ZNF76: variants seen among roughly 807,000 people sequenced by gnomAD.
ZNF76 encodes zinc finger protein 76.
Under a neutral mutation model 66.9 loss-of-function variants are expected in ZNF76, and 66 were observed. The observed-to-expected ratio is 0.99, with a 90% CI of 0.81 to 1.21. ZNF76 has a LOEUF of 1.21. Ranked by LOEUF, ZNF76 falls within the 50% of genes most tolerant of loss-of-function variation. The pLI is 0.00. For missense variants in ZNF76, 729 were observed against 760.3 expected, an observed-to-expected ratio of 0.96 and a Z score of 0.48; for synonymous variants, 275 against 296.1, an observed-to-expected ratio of 0.93 and a Z score of 0.73.
At position 35,287,563 on chromosome 6, in the gene ZNF76, A is replaced by T. The variant is rs1052074030; in HGVS notation, c.233-83A>T. The T allele has an allele frequency of 7.0e-6, 9 of 1,281,378 alleles. No homozygotes were observed. In the Admixed American group the frequency reaches 9.0e-5, roughly 13 times the overall value. The allele number at this position is 1,281,378 out of a possible 1,614,324, so 79.4% of individuals were successfully genotyped here. ...TGTTGAAACCCTCCTTGGTATATGT[A>T]TCTCTCATTAACTTAAAGCTAGGGT... On this transcript the variant is annotated intron_variant, in intron 4 of 13. Coordinates refer to ENST00000373953, the MANE Select transcript of ZNF76 (RefSeq NM_003427.5). This position sits in a 1 kb window ranked among gnomAD's most constrained non-coding sequence, Gnocchi z 4.0.
intron 13 of ZNF76, 61 bp from the exon 14 acceptor site, chr6:35,295,083 C>T (rs1791003239): frequency 5.9e-6 from 8 of 1,362,516 alleles, no homozygotes; most frequent in East Asian, 2.5e-5. Flanking sequence ...ATATTACTAA[C>T]ACTGGAATCT....
At position 35,292,508 on chromosome 6, in the gene ZNF76, C is replaced by G; in HGVS notation, c.932-46C>G. ...TCACCCCTGTCCCCTTAGTTTCCCC[C>G]TTGCCAGCCCCAGTTCCCACCCCCC... On this transcript the variant is annotated intron_variant, in intron 9 of 13. Coordinates refer to ENST00000373953, the MANE Select transcript of ZNF76 (RefSeq NM_003427.5). The surrounding 1 kb of genome is among the most constrained non-coding windows in gnomAD (Gnocchi z 4.7). 6.2e-7 allele frequency: 1 copy of G among 1,608,404 alleles called. No individual in the cohort carries two copies. Among genetic ancestry groups the G allele is most frequent in the Non-Finnish European group, 8.5e-7 (1 of 1,176,468 alleles).
Position 35,294,305 on chromosome 6 carries a change from C to G in ZNF76, c.1495-151C>G. On this transcript the variant is annotated intron_variant, in intron 12 of 13. Transcript: ENST00000373953. ...GGAGGAAACCCAGCCTTACTTAGCTCTGAGCCTCAGGCTAATTAATCTGAC... is the reference window on the plus strand; with the variant it reads ...GGAGGAAACCCAGCCTTACTTAGCTGTGAGCCTCAGGCTAATTAATCTGAC... 9.6e-6 allele frequency: 6 copies of G among 628,138 alleles called. No individual in the cohort carries two copies. In the South Asian group the frequency reaches 1.2e-4, roughly 12 times the overall value. The allele number at this position is 628,138 out of a possible 1,614,324, so 38.9% of individuals were successfully genotyped here. A position where few individuals can be genotyped will look rare whatever the true frequency, so the allele number is the denominator to read the frequency against.
intron 5 of ZNF76, 140 bp from the exon 6 acceptor site, chr6:35,290,126 G>T: frequency 7.2e-6 from 8 of 1,114,814 alleles, no homozygotes; most frequent in Non-Finnish European, 9.1e-6. Context: ...TTCCTTGTCC[G>T]TCTAGTTATG....
chr6:35,277,982 C>T (rs913918822), intron 1 of ZNF76, among the ~76,000 whole-genome samples: 1 of 152,072 alleles, frequency 6.6e-6, no homozygotes, highest in Non-Finnish European at 1.5e-5. Flanking sequence ...GCCTTAGCCT[C>T]CCGAGTAGCT....
chr6:35,259,691 A>G (rs1308423319), upstream of ZNF76: 1 of 152,146 alleles, frequency 6.6e-6, no homozygotes, highest in African/African-American at 2.4e-5. Flanking sequence ...AGAGGAAAGG[A>G]AAGTGCGGCG....
intron 2 of ZNF76, among the ~76,000 whole-genome samples, chr6:35,284,867 C>T (rs1341621986): frequency 1.3e-5 from 2 of 152,044 alleles, no homozygotes; most frequent in East Asian, 1.9e-4. Context: ...TGCACTACTA[C>T]ATCCAGTTAA....
At chr6:35,274,701 A>C (rs1320779228) in intron 1 of ZNF76, among the ~76,000 whole-genome samples, 1 of 152,220 alleles carries the variant, frequency 6.6e-6, no homozygotes, top group Non-Finnish European at 1.5e-5. Context: ...CCTGGGCAAC[A>C]AAATGAGATC....
rs760448377 is a variant in ZNF76 at position 35,290,669 on chromosome 6, G to A, written c.578G>A (p.Arg193His). Residue 193 changes from arginine (R) to histidine (H), a missense_variant, in exon 7 of 14, where the codon CGT becomes CAT. Coordinates refer to ENST00000373953, the MANE Select transcript of ZNF76 (RefSeq NM_003427.5). ...CATGAACGAGCTCATACAGGTGACC[G>A]TCCATACAGATGTGACTTCCCCAGC... ...KVHERAHTGD[R>H]PYRCDFPSCG... is the part of the protein sequence containing the mutation. 10 of 1,614,100 alleles carry A rather than the reference G, an allele frequency of 6.2e-6. No homozygotes were observed. Among genetic ancestry groups the A allele is most frequent in the East Asian group, 2.2e-5 (1 of 44,898 alleles).
Position 35,292,621 on chromosome 6 carries a change from T to C in ZNF76, c.999T>C (p.Tyr333=), listed in dbSNP as rs767112486. Residue 333 remains tyrosine (Y), a synonymous_variant, in exon 10 of 14, where the codon TAT becomes TAC. Coordinates refer to ENST00000373953, the MANE Select transcript of ZNF76 (RefSeq NM_003427.5). This position sits in a 1 kb window ranked among gnomAD's most constrained non-coding sequence, Gnocchi z 4.7. The part of the protein sequence containing the change: ...GKRFTEYSSL[Y]KHHVVHTHCK... The stretch of plus-strand genomic sequence containing the variant: ...GCTTCACCGAGTACTCGAGCTTGTA[T>C]AAGCACCACGTGGTGCACACACACT... 3 of 1,613,946 alleles carry C rather than the reference T, an allele frequency of 1.9e-6. No individual in the cohort carries two copies. The African/African-American group carries it at 4.0e-5, about 22-fold the overall frequency.
rs747581435 is a variant in ZNF76 at position 35,286,398 on chromosome 6, A to G, written c.231A>G (p.Arg77=). The G allele has an allele frequency of 1.2e-6, 2 of 1,613,790 alleles. No individual in the cohort carries two copies. Among genetic ancestry groups the G allele is most frequent in the South Asian group, 2.2e-5 (2 of 91,084 alleles). ...GSMAYIHRTP[R]EGYDPSTLEA... is the part of the protein sequence containing the mutation. The stretch of plus-strand genomic sequence containing the variant: ...TGGCTTACATACACCGCACACCCAG[A>G]GGTAGGGTCACCATCATCACAACTC... Residue 77 remains arginine (R), a splice_region_variant and synonymous_variant, in exon 4 of 14, where the codon AGA becomes AGG. Transcript: ENST00000373953.
chr6:35,285,523 T>C (rs1789436795), intron 2 of ZNF76, among the ~76,000 whole-genome samples: 2 of 152,220 alleles, frequency 1.3e-5, no homozygotes, highest in African/African-American at 2.4e-5. Context: ...ATCCCCATTT[T>C]AAGAAAAGGA....
chr6:35,276,963 ATTT>A (rs11439435), intron 1 of ZNF76, among the ~76,000 whole-genome samples: 1 of 141,294 alleles, frequency 7.1e-6, no homozygotes, highest in Non-Finnish European at 1.5e-5. Flanking sequence ...TAATTTTTGT[ATTT>A]TTTTTTTTTT....
chr6:35,273,185 A>AACAAAAC (rs1449113371), intron 1 of ZNF76, among the ~76,000 whole-genome samples: 2 of 150,668 alleles, frequency 1.3e-5, no homozygotes, highest in African/African-American at 4.9e-5. Context: ...AAAAACAAAA[A>AACAAAAC]AAAAACGAGT....
chr6:35,289,966 C>T (rs557128683), intron 5 of ZNF76, among the ~76,000 whole-genome samples: 5 of 152,294 alleles, frequency 3.3e-5, no homozygotes, highest in African/African-American at 4.8e-5. Context: ...GACAACCTCC[C>T]TTTTCACCTT....
intron 5 of ZNF76, chr6:35,288,222 C>T (rs1409660868): frequency 6.8e-6 from 3 of 442,024 alleles, no homozygotes; most frequent in South Asian, 3.4e-5. Context: ...CTGCCAGTGA[C>T]TTGTATTAGC....
At chr6:35,278,817 C>T (rs1788315325) in intron 1 of ZNF76, among the ~76,000 whole-genome samples, 1 of 152,194 alleles carries the variant, frequency 6.6e-6, no homozygotes, top group African/African-American at 2.4e-5. Context: ...TTCAGTGCTT[C>T]CCACCTTGCA....
At position 35,286,109 on chromosome 6, in the gene ZNF76, C is replaced by T. The variant is rs1205976132; in HGVS notation, c.74-19C>T. 6 of 1,613,240 alleles carry T rather than the reference C, an allele frequency of 3.7e-6. No homozygotes were observed. Among genetic ancestry groups the T allele is most frequent in the Admixed American group, 3.3e-5 (2 of 59,998 alleles). On this transcript the variant is annotated intron_variant, in intron 2 of 13. Transcript: ENST00000373953. ...TCTTCTGGTCCTGGCCCATTTCTCT[C>T]TATTTCCACTCTTAACAGGAGAGAA...
intron 1 of ZNF76, among the ~76,000 whole-genome samples, chr6:35,268,459 T>C (rs1444370335): frequency 2.0e-5 from 3 of 151,958 alleles, no homozygotes; most frequent in Non-Finnish European, 4.4e-5. Context: ...CGTAATGGAA[T>C]GGGGAAATTT....
Sources: allele counts gnomAD v4.1 joint callset (sites outside exome capture counted in the v4.1 genomes callset), GRCh38; gene constraint gnomAD v4.1.1; non-coding constraint Gnocchi (gnomAD v3.1); transcripts MANE v1.5; gene names NCBI Gene and HGNC (gene_info 2026-07-23, HGNC 2026-07-21).